The following SPAG16 variants were observed in gnomAD, a reference collection of about 807,000 sequenced individuals.
SPAG16 encodes sperm associated antigen 16.
In SPAG16, 86 loss-of-function variants were observed where a neutral mutation model predicts 80.4. The observed-to-expected ratio is 1.07, with a 90% CI of 0.90 to 1.28. The LOEUF (loss-of-function observed/expected upper bound fraction) is 1.28, where lower values mean the gene tolerates loss of function less well. SPAG16 is among the 50% of genes most tolerant of loss of function. The probability of loss-of-function intolerance (pLI) is 0.00; values close to 1 mark genes in which losing one functional copy is unlikely to be tolerated. For missense variants in SPAG16, 870 were observed against 765.3 expected (o/e 1.14, Z -1.61); for synonymous variants, 294 against 265.9 (o/e 1.11, Z -1.03).
In SPAG16 at chr2:213,720,746, T is replaced by A. The variant is rs1337360006; in HGVS notation, c.1071-141739T>A. Among the ~76,000 whole-genome samples the A allele has an allele frequency of 1.2e-4, 10 of 85,266 alleles. No homozygotes were observed. The South Asian group carries it at 3.5e-3, about 30-fold the overall frequency. The allele number at this position is 85,266 out of a possible 152,430, so 55.9% of individuals were successfully genotyped here. A position where few individuals can be genotyped will look rare whatever the true frequency, so the allele number is the denominator to read the frequency against. ...AGTGCCTGGCCGAAGTAAGTCCTTT[T>A]TTTTTTTTTTTTTTTTTGAGATGGA... On this transcript the variant is annotated intron_variant, in intron 10 of 15. Transcript: ENST00000331683.
intron 9 of SPAG16, among the ~76,000 whole-genome samples, chr2:213,411,367 A>T: frequency 6.6e-6 from 1 of 152,210 alleles, no homozygotes; most frequent in East Asian, 1.9e-4. Context: ...AAAAATGTAG[A>T]TTGGATAAAC....
chr2:214,080,799 A>G (rs1364201340), intron 13 of SPAG16, among the ~76,000 whole-genome samples: 1 of 152,110 alleles, frequency 6.6e-6, no homozygotes, highest in East Asian at 1.9e-4. Context: ...CCTTTACTTA[A>G]CACCTGTTTT....
At chr2:213,636,767 G>A (rs547800206) in intron 10 of SPAG16, among the ~76,000 whole-genome samples, 47 of 152,260 alleles carry the variant, frequency 3.1e-4, no homozygotes, top group Admixed American at 1.0e-3. Flanking sequence ...GTCACTGTTC[G>A]TGTATAACAA....
At chr2:213,323,873 T>A (rs937795445) in intron 5 of SPAG16, among the ~76,000 whole-genome samples, 2 of 152,102 alleles carry the variant, frequency 1.3e-5, no homozygotes, top group East Asian at 3.9e-4. Flanking sequence ...AATAAGACAG[T>A]CACAGAGGGA....
At chr2:213,778,024 A>G (rs1315563083) in intron 10 of SPAG16, among the ~76,000 whole-genome samples, 1 of 152,162 alleles carries the variant, frequency 6.6e-6, no homozygotes, top group African/African-American at 2.4e-5. Context: ...AAGGTGCTAG[A>G]TAATAAATTT....
Position 213,783,166 on chromosome 2 carries a change from C to A in SPAG16, c.1071-79319C>A, listed in dbSNP as rs891176408. Reference sequence around the variant, plus strand: ...TGCTGTGTTTGGTTTTTTGTTCTTGCGATAGTTTACTGAGAATGATGGTTT... The same window carrying A: ...TGCTGTGTTTGGTTTTTTGTTCTTGAGATAGTTTACTGAGAATGATGGTTT... On this transcript the variant is annotated intron_variant, in intron 10 of 15. Transcript: ENST00000331683. Among the ~76,000 whole-genome samples, 13 of 149,056 alleles carry A rather than the reference C, an allele frequency of 8.7e-5. No individual in the cohort carries two copies. In the South Asian group the frequency reaches 2.8e-3, roughly 32 times the overall value.
intron 12 of SPAG16, among the ~76,000 whole-genome samples, chr2:213,981,972 T>C (rs1207700850): frequency 6.6e-6 from 1 of 151,784 alleles, no homozygotes; most frequent in African/African-American, 2.4e-5. Context: ...TATATTTTTC[T>C]GTTTGTAAGG....
At chr2:214,407,250 ATTC>A (rs1702044745) in intron 15 of SPAG16, among the ~76,000 whole-genome samples, 1 of 152,058 alleles carries the variant, frequency 6.6e-6, no homozygotes, top group South Asian at 2.1e-4. Flanking sequence ...TGTTATAATT[ATTC>A]TTGTTAAAAT....
chr2:214,335,216 C>G (rs1697198057), intron 15 of SPAG16, among the ~76,000 whole-genome samples: 1 of 152,070 alleles, frequency 6.6e-6, no homozygotes, highest in Admixed American at 6.6e-5. Context: ...AGCAAGGAAG[C>G]TGTCTTTGGC....
chr2:214,398,323 T>C (rs533473949), intron 15 of SPAG16, among the ~76,000 whole-genome samples: 1 of 152,390 alleles, frequency 6.6e-6, no homozygotes, highest in African/African-American at 2.4e-5. Context: ...GAGTTGACTT[T>C]CCTTCACTTG....
chr2:213,572,733 A>T (rs1275544952), intron 10 of SPAG16, among the ~76,000 whole-genome samples: 2 of 152,060 alleles, frequency 1.3e-5, no homozygotes, highest in East Asian at 1.9e-4. Flanking sequence ...CTACAGAGGC[A>T]GGCAGGCCTC....
intron 12 of SPAG16, among the ~76,000 whole-genome samples, chr2:213,934,950 C>T (rs953146596): frequency 1.3e-5 from 2 of 152,130 alleles, no homozygotes; most frequent in Admixed American, 6.6e-5. Context: ...TGCCTGTAAT[C>T]CCAGCAGTTT....
At chr2:213,999,142 T>C (rs565033727) in intron 12 of SPAG16, among the ~76,000 whole-genome samples, 1 of 152,244 alleles carries the variant, frequency 6.6e-6, no homozygotes, top group East Asian at 1.9e-4. Flanking sequence ...ATGGGGAAAA[T>C]GTCTCCAGGG....
intron 12 of SPAG16, among the ~76,000 whole-genome samples, chr2:213,931,997 A>G (rs556750934): frequency 3.8e-4 from 58 of 151,906 alleles, no homozygotes; most frequent in Non-Finnish European, 5.6e-4. Context: ...TCAATACAAT[A>G]TAGATATGTC....
At chr2:214,400,462 A>T (rs1014235791) in intron 15 of SPAG16, among the ~76,000 whole-genome samples, 1 of 152,166 alleles carries the variant, frequency 6.6e-6, no homozygotes, top group Non-Finnish European at 1.5e-5. Flanking sequence ...GGTATTATAA[A>T]TAATCCAGAA....
At chr2:214,065,137 A>T (rs530788038) in intron 13 of SPAG16, among the ~76,000 whole-genome samples, 1 of 152,200 alleles carries the variant, frequency 6.6e-6, no homozygotes, top group African/African-American at 2.4e-5. Context: ...AGAATAACTT[A>T]TCTATGTCCA....
At chr2:213,734,997 T>G (rs989875871) in intron 10 of SPAG16, among the ~76,000 whole-genome samples, 5 of 151,964 alleles carry the variant, frequency 3.3e-5, no homozygotes, top group Admixed American at 2.0e-4. Flanking sequence ...CCCTCTCCCA[T>G]AAAATTTTAT....
chr2:214,057,015 C>T (rs577089602), intron 13 of SPAG16, among the ~76,000 whole-genome samples: 2 of 152,226 alleles, frequency 1.3e-5, no homozygotes, highest in South Asian at 4.1e-4. Context: ...TCTGGTTCTC[C>T]TATTTTCACC....
chr2:213,349,249 A>C (rs2065191108), intron 6 of SPAG16, among the ~76,000 whole-genome samples: 2 of 152,200 alleles, frequency 1.3e-5, no homozygotes, highest in East Asian at 3.8e-4. Context: ...AAGTTTTAAA[A>C]CCAATGATGT....
Sources: gnomAD v4.1 joint callset for allele counts (sites outside exome capture counted in the v4.1 genomes callset) on GRCh38, gnomAD v4.1.1 for gene constraint, MANE v1.5 for transcripts, NCBI Gene and HGNC (gene_info 2026-07-23, HGNC 2026-07-21) for gene names.